Variants in ATF7IP2 observed in about 807,000 individuals in gnomAD.
ATF7IP2 encodes the protein activating transcription factor 7-interacting protein 2.
Under a neutral mutation model 64.2 loss-of-function variants are expected in ATF7IP2, and 42 were observed. The observed-to-expected ratio is 0.65, with a 90% CI of 0.51 to 0.85. ATF7IP2 has a LOEUF of 0.85. Among genes scored for constraint, ATF7IP2 ranks in the 40% least tolerant of loss-of-function variants. The pLI is 0.00. For synonymous variants in ATF7IP2, 308 were observed against 272.8 expected, an observed-to-expected ratio of 1.13 and a Z score of -1.27; for missense variants, 933 against 784.2, an observed-to-expected ratio of 1.19 and a Z score of -2.27.
intron 1 of ATF7IP2, among the ~76,000 whole-genome samples, chr16:10,408,993 G>A (rs1249420595): frequency 6.6e-6 from 1 of 152,198 alleles, no homozygotes; most frequent in Non-Finnish European, 1.5e-5. Flanking sequence ...TCCCAGCAAG[G>A]CAATTTACTT....
chr16:10,467,419 T>A (rs1331004051), intron 9 of ATF7IP2, among the ~76,000 whole-genome samples: 1 of 152,166 alleles, frequency 6.6e-6, no homozygotes, highest in African/African-American at 2.4e-5. Flanking sequence ...ATAATGAACA[T>A]CTGAGAAGAA....
At chr16:10,415,964 G>C (rs1017501762) in intron 2 of ATF7IP2, among the ~76,000 whole-genome samples, 4 of 152,210 alleles carry the variant, frequency 2.6e-5, no homozygotes, top group Non-Finnish European at 4.4e-5. Flanking sequence ...ATGCAGGTGA[G>C]GATGTGTAGA....
chr16:10,473,435 T>A (rs758183188), intron 10 of ATF7IP2, 44 bp from the exon 11 acceptor site: 3 of 1,218,722 alleles, frequency 2.5e-6, no homozygotes, highest in Non-Finnish European at 2.4e-6. Flanking sequence ...ACAAAGCCCA[T>A]AAATATTGTG....
chr16:10,430,210 A>C (rs2048199321), intron 4 of ATF7IP2, among the ~76,000 whole-genome samples: 1 of 152,224 alleles, frequency 6.6e-6, no homozygotes, highest in South Asian at 2.1e-4. Flanking sequence ...CATTATGTAT[A>C]GAAAATGGAA....
intron 1 of ATF7IP2, among the ~76,000 whole-genome samples, chr16:10,388,626 T>G (rs2047255775): frequency 6.6e-6 from 1 of 152,208 alleles, no homozygotes; most frequent in South Asian, 2.1e-4. Flanking sequence ...AGAATAACTC[T>G]GGGTGGCTTT....
intron 4 of ATF7IP2, among the ~76,000 whole-genome samples, chr16:10,429,404 A>G (rs535948874): frequency 1.3e-5 from 2 of 152,368 alleles, no homozygotes; most frequent in Admixed American, 6.5e-5. Context: ...AGGCTGGAGT[A>G]CAATGGCACG....
At chr16:10,481,797 C>T (rs764435242) in intron 13 of ATF7IP2, 39 bp from the exon 14 acceptor site, 33 of 1,483,000 alleles carry the variant, frequency 2.2e-5, no homozygotes, top group Non-Finnish European at 2.7e-5. Flanking sequence ...TGCAATTGAC[C>T]ACTTTAAAAG....
chr16:10,436,297 G>A (rs1422499615), intron 6 of ATF7IP2, among the ~76,000 whole-genome samples: 2 of 152,210 alleles, frequency 1.3e-5, no homozygotes, highest in East Asian at 3.8e-4. Context: ...GGTGGGTGAA[G>A]ATTGCAGTGA....
chr16:10,473,827 A>G (rs1596623813), intron 11 of ATF7IP2, 96 bp from the exon 12 acceptor site: 1 of 809,072 alleles, frequency 1.2e-6, no homozygotes, highest in Admixed American at 2.9e-5. Context: ...TGGTGATTTA[A>G]AATTACCATT....
At chr16:10,396,786 A>T (rs1195633614) in intron 1 of ATF7IP2, among the ~76,000 whole-genome samples, 1 of 151,424 alleles carries the variant, frequency 6.6e-6, no homozygotes, top group African/African-American at 2.4e-5. Context: ...AGTAGCTGGG[A>T]CAAGAGGCAC....
intron 9 of ATF7IP2, among the ~76,000 whole-genome samples, chr16:10,467,692 G>A (rs913762619): frequency 6.6e-6 from 1 of 150,908 alleles, no homozygotes; most frequent in East Asian, 1.9e-4. Flanking sequence ...TCAGCCTCCT[G>A]AGTAGAGCTC....
Position 10,430,930 on chromosome 16 carries a change from C to G in ATF7IP2, c.310C>G (p.His104Asp). The G allele has an allele frequency of 6.2e-7, 1 of 1,613,928 alleles. No homozygotes were observed. The highest frequency in any genetic ancestry group is 8.5e-7 in the Non-Finnish European group (1 of 1,180,004). Residue 104 changes from histidine (H) to aspartate (D), a missense_variant, in exon 5 of 14, where the codon CAT becomes GAT. Transcript: ENST00000562102. ...NCIKPVEEIV[H>D]SETKLEQVVC... is the part of the protein sequence containing the mutation. ...CATAAAACCAGTAGAAGAAATTGTT[C>G]ATTCAGAAACAAAATTGGAACAAGT...
chr16:10,440,574 G>A (rs2048581776), intron 8 of ATF7IP2, 112 bp downstream of exon 8: 1 of 642,588 alleles, frequency 1.6e-6, no homozygotes, highest in South Asian at 2.1e-5. Context: ...AGGTAAGTAA[G>A]TTTTTACTTA....
chr16:10,455,949 T>C (rs1377731425), intron 8 of ATF7IP2, among the ~76,000 whole-genome samples: 2 of 152,130 alleles, frequency 1.3e-5, no homozygotes, highest in Non-Finnish European at 2.9e-5. Context: ...AAACTATGAA[T>C]TTGGATTTTG....
chr16:10,422,528 T>C (rs1171061911), intron 3 of ATF7IP2, among the ~76,000 whole-genome samples: 1 of 152,200 alleles, frequency 6.6e-6, no homozygotes, highest in Non-Finnish European at 1.5e-5. Flanking sequence ...CATCAGGCCC[T>C]TCACAATGCA....
chr16:10,456,056 T>C (rs561714813), intron 8 of ATF7IP2, among the ~76,000 whole-genome samples: 116 of 152,184 alleles, frequency 7.6e-4, no homozygotes, highest in Admixed American at 2.9e-3. Context: ...CTCGGCTCAC[T>C]GCAACATCCG....
At chr16:10,478,824 T>C (rs987248091) in intron 12 of ATF7IP2, among the ~76,000 whole-genome samples, 1 of 151,808 alleles carries the variant, frequency 6.6e-6, no homozygotes, top group Non-Finnish European at 1.5e-5. Context: ...AACAACCCCA[T>C]CAAAAAGTAG....
intron 9 of ATF7IP2, among the ~76,000 whole-genome samples, chr16:10,470,219 A>G (rs1226737012): frequency 6.6e-6 from 1 of 152,188 alleles, no homozygotes; most frequent in Non-Finnish European, 1.5e-5. Context: ...TATAGTTTAG[A>G]AATTATATAT....
Position 10,386,119 on chromosome 16 carries a change from C to T in ATF7IP2, c.-245C>T, listed in dbSNP as rs184037169. 2 of 152,922 alleles carry T rather than the reference C, an allele frequency of 1.3e-5. No homozygotes were observed. The highest frequency in any genetic ancestry group is 2.9e-5 in the Non-Finnish European group (2 of 68,484). The allele number at this position is 152,922 out of a possible 1,614,324, so 9.5% of individuals were successfully genotyped here. ...TTGCTGCGGCTGGTGCGTCGTCGCT[C>T]TAGGTACGTTGGGGCCGGGCGAGTG... On this transcript the variant is annotated 5_prime_UTR_variant, in exon 1 of 14. Transcript: ENST00000562102.
Sources: allele counts gnomAD v4.1 joint callset (sites outside exome capture counted in the v4.1 genomes callset), GRCh38; gene constraint gnomAD v4.1.1; transcripts MANE v1.5; gene names NCBI Gene and HGNC (gene_info 2026-07-23, HGNC 2026-07-21).